PIEZO1: variants seen among roughly 807,000 people sequenced by gnomAD.
PIEZO1 encodes the protein piezo-type mechanosensitive ion channel component 1.
In PIEZO1, 296 loss-of-function variants were observed where a neutral mutation model predicts 297.2. The observed-to-expected ratio is 1.00, with a 90% CI of 0.91 to 1.10. PIEZO1 has a LOEUF of 1.10. Ranked by LOEUF, PIEZO1 falls within the 50% of genes least tolerant of loss-of-function variation. The probability of loss-of-function intolerance (pLI) is 0.00; values close to 1 mark genes in which losing one functional copy is unlikely to be tolerated. For synonymous variants in PIEZO1, 2,427 were observed against 1,507.5 expected, an observed-to-expected ratio of 1.61 and a Z score of -14.13; for missense variants, 5,018 against 3,455.5, an observed-to-expected ratio of 1.45 and a Z score of -11.34.
In PIEZO1 at chr16:88,736,268, G is replaced by C. The variant is rs1905208161; in HGVS notation, c.1437C>G (p.Cys479Trp). The change falls in exon 12 of 51, where the codon TGC becomes TGG. Residue 479 changes from cysteine to tryptophan, a missense_variant. Physicochemically the swap from Cys to Trp is radical, Grantham distance 215. Transcript: ENST00000301015. ...GGTCCATGGCCCACACGTAGCGTAG[G>C]CAGCACAGCGTCATCCCATACAGCA... Reference protein sequence around the residue: ...CILLYGMTLCCLRYVWAMDLR... With the variant: ...CILLYGMTLCWLRYVWAMDLR... 1 of 1,550,196 alleles carries C rather than the reference G, an allele frequency of 6.5e-7. No homozygotes were observed. The highest frequency in any genetic ancestry group is 1.2e-5 in the South Asian group (1 of 84,064).
intron 1 of PIEZO1, among the ~76,000 whole-genome samples, chr16:88,767,991 T>A (rs181814444): frequency 3.3e-5 from 5 of 152,262 alleles, no homozygotes. Context: ...CCCAGGTCCC[T>A]GAGATTTCCC....
At chr16:88,726,131 C>G in intron 27 of PIEZO1, 153 bp downstream of exon 27, 1 of 642,066 alleles carries the variant, frequency 1.6e-6, no homozygotes, top group Non-Finnish European at 2.7e-6. Flanking sequence ...GGGGATCTGC[C>G]GGCCTTCATT....
At chr16:88,720,817 C>T in intron 39 of PIEZO1, 69 bp from the exon 40 acceptor site, 2 of 1,419,002 alleles carry the variant, frequency 1.4e-6, no homozygotes, top group East Asian at 2.5e-5. Flanking sequence ...TCCTGACCAC[C>T]CTAAGAGGCT....
chr16:88,783,892 AGG>A (rs918341641), intron 1 of PIEZO1, among the ~76,000 whole-genome samples: 1 of 152,196 alleles, frequency 6.6e-6, no homozygotes, highest in Non-Finnish European at 1.5e-5. Context: ...GAGCGAGGCA[AGG>A]GCTCCGAAAG....
intron 21 of PIEZO1, 45 bp from the exon 22 acceptor site, chr16:88,731,955 G>GA: frequency 3.4e-6 from 1 of 296,702 alleles, no homozygotes. Flanking sequence ...CTGAGTCTGG[G>GA]GGGAGGGACT....
rs772447752 is a variant in PIEZO1 at position 88,726,994 on chromosome 16, C to T, written c.3456-36G>A. On this transcript the variant is annotated intron_variant, in intron 24 of 50. Transcript: ENST00000301015. ...GGAGCGTCAGGGCGGGCGCCCCGGC[C>T]ACCCCTCCCAGAAGGTTCCCCGTGG... 49 of 1,549,112 alleles carry T rather than the reference C, an allele frequency of 3.2e-5. No homozygotes were observed. In the East Asian group the frequency reaches 1.1e-3, roughly 33 times the overall value.
chr16:88,727,791 T>G (rs1035657766), intron 22 of PIEZO1, 130 bp from the exon 23 acceptor site: 5 of 468,390 alleles, frequency 1.1e-5, no homozygotes, highest in Admixed American at 7.5e-5. Context: ...GCACACCTGG[T>G]GTCTCGAGAA....
chr16:88,719,641 C>A lies in PIEZO1; in HGVS notation c.6404G>T (p.Ser2135Ile), dbSNP rs1195841326. The A allele has an allele frequency of 1.9e-6, 3 of 1,553,790 alleles. No individual in the cohort carries two copies. The highest frequency in any genetic ancestry group is 2.6e-6 in the Non-Finnish European group (3 of 1,148,858). The change falls in exon 44 of 51, where the codon AGC becomes ATC. Residue 2135 changes from serine to isoleucine, a missense_variant. By Grantham distance (142) the Ser-to-Ile change is moderately radical. Transcript: ENST00000301015. ...ATAGATGTCCTCCACACACATCCAGCTGGACAGGGACAGCGTGGTGTCCGT... is the reference window on the plus strand; with the variant it reads ...ATAGATGTCCTCCACACACATCCAGATGGACAGGGACAGCGTGGTGTCCGT... ...VWTDTTLSLS[S>I]WMCVEDIYAN...
At position 88,737,714 on chromosome 16, in the gene PIEZO1, G is replaced by A; in HGVS notation, c.1107+14C>T. The A allele has an allele frequency of 2.0e-6, 3 of 1,534,980 alleles. No individual in the cohort carries two copies. Among genetic ancestry groups the A allele is most frequent in the Middle Eastern group, 1.7e-4 (1 of 5,962 alleles). ...GCCCCCCACGCTGGCGTCTCCACCTGCCTGGCTGCTCACCTGGTCAGACTC... is the reference window on the plus strand; with the variant it reads ...GCCCCCCACGCTGGCGTCTCCACCTACCTGGCTGCTCACCTGGTCAGACTC... On this transcript the variant is annotated intron_variant, in intron 9 of 50. Coordinates refer to ENST00000301015, the MANE Select transcript of PIEZO1 (RefSeq NM_001142864.4).
chr16:88,730,853 T>C (rs1032756766), intron 22 of PIEZO1, among the ~76,000 whole-genome samples: 5 of 152,256 alleles, frequency 3.3e-5, no homozygotes, highest in African/African-American at 1.2e-4. Context: ...AAATGGCAGC[T>C]GTCCTTGATG....
chr16:88,762,529 C>T (rs1906979796), intron 1 of PIEZO1, among the ~76,000 whole-genome samples: 1 of 152,202 alleles, frequency 6.6e-6, no homozygotes, highest in African/African-American at 2.4e-5. Context: ...AAGGGGCTCC[C>T]AGCCAAGCGG....
chr16:88,763,910 C>G (rs4782508), intron 1 of PIEZO1, among the ~76,000 whole-genome samples: 7,692 of 152,256 alleles, frequency 0.051, 258 homozygotes, highest in Middle Eastern at 0.095. Flanking sequence ...GCCATCCTGC[C>G]CCAGGCACAC....
At position 88,716,293 on chromosome 16, in the gene PIEZO1, G is replaced by C. The variant is rs1912023378; in HGVS notation, c.7050-16C>G. The C allele has an allele frequency of 2.7e-6, 4 of 1,489,134 alleles. No individual in the cohort carries two copies. The highest frequency in any genetic ancestry group is 3.6e-6 in the Non-Finnish European group (4 of 1,113,640). 92.2% of individuals were successfully genotyped at this position (1,489,134 alleles called of 1,614,324 possible). A position where few individuals can be genotyped will look rare whatever the true frequency, so the allele number is the denominator to read the frequency against. On this transcript the variant is annotated splice_polypyrimidine_tract_variant and intron_variant, in intron 48 of 50. Coordinates refer to ENST00000301015, the MANE Select transcript of PIEZO1 (RefSeq NM_001142864.4). ...AGGGATGACCCTGCAGGGAGGTGCT[G>C]GCAGGTCAGGCCTGGCCCAGCCAAC...
intron 1 of PIEZO1, among the ~76,000 whole-genome samples, chr16:88,772,461 A>G (rs1178511536): frequency 6.6e-6 from 1 of 152,200 alleles, no homozygotes; most frequent in Non-Finnish European, 1.5e-5. Flanking sequence ...CAGGTGGCAG[A>G]GGGCACGGCT....
chr16:88,777,931 T>C (rs556428328), intron 1 of PIEZO1, among the ~76,000 whole-genome samples: 1 of 152,170 alleles, frequency 6.6e-6, no homozygotes, highest in African/African-American at 2.4e-5. Flanking sequence ...ACGCCCCTCC[T>C]GGGCAGGCGG....
In PIEZO1 at chr16:88,723,948, G is replaced by C. The variant is rs1245620773; in HGVS notation, c.4258C>G (p.Leu1420Val). The C allele has an allele frequency of 2.6e-6, 4 of 1,548,728 alleles. No homozygotes were observed. In the South Asian group the frequency reaches 3.6e-5, roughly 14 times the overall value. The part of the protein sequence containing the change: ...ATVIHSGDYF[L>V]FESDSEEEEE... ...TCTTCCTCACTGTCGGACTCAAACA[G>C]GAAGTAGTCCCCGGAGTGGATGACT... is the stretch of plus-strand genomic sequence containing the variant. Residue 1420 changes from leucine to valine, a missense_variant, in exon 31 of 51, where the codon CTG (leucine) becomes GTG (valine). Coordinates refer to ENST00000301015, the MANE Select transcript of PIEZO1 (RefSeq NM_001142864.4).
chr16:88,744,055 A>C (rs1597467205), intron 2 of PIEZO1: 9 of 173,782 alleles, frequency 5.2e-5, no homozygotes, highest in East Asian at 1.7e-4. Flanking sequence ...ACTGCTCACG[A>C]CCTCCGTGCC....
intron 40 of PIEZO1, 36 bp from the exon 41 acceptor site, chr16:88,720,568 C>A (rs936297715): frequency 1.3e-6 from 2 of 1,536,402 alleles, no homozygotes; most frequent in East Asian, 2.5e-5. Context: ...GCCCAGTACC[C>A]GCCTCCCCAC....
At position 88,741,545 on chromosome 16, in the gene PIEZO1, G is replaced by T. The variant is rs1169999862; in HGVS notation, c.398C>A (p.Ser133Tyr). 1.3e-6 allele frequency: 2 copies of T among 1,535,656 alleles called. No homozygotes were observed. Among genetic ancestry groups the T allele is most frequent in the East Asian group, 2.4e-5 (1 of 40,930 alleles). Residue 133 changes from serine to tyrosine, a missense_variant, in exon 5 of 51, where the codon TCT (serine) becomes TAT (tyrosine). Coordinates refer to ENST00000301015, the MANE Select transcript of PIEZO1 (RefSeq NM_001142864.4). Reference protein sequence around the residue: ...APDLGILVVSSVCLGICGRLA... With the variant: ...APDLGILVVSYVCLGICGRLA... ...GCGCCCGCAGATGCCGAGGCAGACA[G>T]AGGAGACCACCAAGATGCCCAGGTC...
Sources: allele counts gnomAD v4.1 joint callset (sites outside exome capture counted in the v4.1 genomes callset), GRCh38; gene constraint gnomAD v4.1.1; transcripts MANE v1.5; gene names NCBI Gene and HGNC (gene_info 2026-07-23, HGNC 2026-07-21).